Variants in POU2F1 observed in about 807,000 individuals in gnomAD.
The protein encoded by POU2F1 is POU class 2 homeobox 1.
POU2F1 carries 16 observed loss-of-function variants against 84.9 expected under a neutral mutation model. The ratio of observed to expected loss-of-function variants is 0.19; its 90% CI spans 0.13 to 0.29. The LOEUF (loss-of-function observed/expected upper bound fraction) is 0.29. Among genes scored for constraint, POU2F1 ranks in the 10% least tolerant of loss-of-function variants. The probability of loss-of-function intolerance (pLI) is 1.00; values close to 1 mark genes in which losing one functional copy is unlikely to be tolerated. For missense variants in POU2F1, 738 were observed against 942.6 expected, an observed-to-expected ratio of 0.78 and a Z score of 2.84; for synonymous variants, 368 against 368.3, an observed-to-expected ratio of 1.00 and a Z score of 0.01.
chr1:167,356,578 G>A (rs139855778), intron 2 of POU2F1, among the ~76,000 whole-genome samples: 14 of 152,042 alleles, frequency 9.2e-5, no homozygotes, highest in African/African-American at 3.1e-4. Flanking sequence ...AGTCACTGGC[G>A]GCAAATATAT....
chr1:167,413,647 A>G (rs111413123), intron 15 of POU2F1, among the ~76,000 whole-genome samples: 4 of 152,236 alleles, frequency 2.6e-5, no homozygotes, highest in African/African-American at 7.2e-5. Context: ...AGTGTAGAAC[A>G]TATATTCTCT....
chr1:167,400,715 G>C (rs1478170796), intron 12 of POU2F1, among the ~76,000 whole-genome samples: 4 of 152,160 alleles, frequency 2.6e-5, no homozygotes, highest in Non-Finnish European at 1.5e-5. Context: ...ACATTGTCAG[G>C]ATTCAAAAGA....
intron 2 of POU2F1, among the ~76,000 whole-genome samples, chr1:167,344,979 A>T (rs957572469): frequency 6.6e-6 from 1 of 152,132 alleles, no homozygotes. Flanking sequence ...ACGAAACACC[A>T]CATTTTCTCA....
At chr1:167,239,962 T>C (rs1649779269) in intron 1 of POU2F1, among the ~76,000 whole-genome samples, 1 of 151,272 alleles carries the variant, frequency 6.6e-6, no homozygotes, top group South Asian at 2.1e-4. Flanking sequence ...TTTTTTTTCT[T>C]TAAGCTATGA....
intron 2 of POU2F1, among the ~76,000 whole-genome samples, chr1:167,355,422 A>G (rs1162137430): frequency 6.6e-6 from 1 of 152,088 alleles, no homozygotes; most frequent in African/African-American, 2.4e-5. Flanking sequence ...TGCTCTCTAA[A>G]TGTTAATATC....
At chr1:167,346,803 T>C (rs1378036814) in intron 2 of POU2F1, among the ~76,000 whole-genome samples, 1 of 152,206 alleles carries the variant, frequency 6.6e-6, no homozygotes, top group African/African-American at 2.4e-5. Flanking sequence ...CTATAGATAT[T>C]CTGTGTCATG....
chr1:167,232,069 C>T (rs1007554588), intron 1 of POU2F1, among the ~76,000 whole-genome samples: 14 of 152,262 alleles, frequency 9.2e-5, no homozygotes, highest in African/African-American at 2.9e-4. Context: ...CTGTGGAACC[C>T]GAGTATGTGA....
chr1:167,325,913 T>G (rs1409755411), intron 1 of POU2F1, among the ~76,000 whole-genome samples: 1 of 151,708 alleles, frequency 6.6e-6, no homozygotes, highest in African/African-American at 2.4e-5. Context: ...ACTAGTAGTG[T>G]TAACCGTGAA....
intron 2 of POU2F1, among the ~76,000 whole-genome samples, chr1:167,358,122 C>CTTTTTTTTTTT (rs763521021): frequency 1.5e-4 from 15 of 97,188 alleles, no homozygotes; most frequent in African/African-American, 2.6e-4. Context: ...TTTTTCTTTT[C>CTTTTTTTTTTT]TTTTTTTTTT....
Position 167,389,367 on chromosome 1 carries a change from A to G in POU2F1, c.814-221A>G, listed in dbSNP as rs191048434. Reference sequence around the variant, plus strand: ...TTGTGTATTCATTTCATTTTTGTGTATTCATGTTTTTTCTATAGAATTACA... The same window carrying G: ...TTGTGTATTCATTTCATTTTTGTGTGTTCATGTTTTTTCTATAGAATTACA... On this transcript the variant is annotated intron_variant, in intron 8 of 15. Coordinates refer to ENST00000367866, the MANE Select transcript of POU2F1 (RefSeq NM_002697.4). 1.1e-3 allele frequency among the ~76,000 whole-genome samples: 168 copies of G among 152,260 alleles called. 1 individual carries two copies. Among genetic ancestry groups the G allele is most frequent in the African/African-American group, 3.9e-3 (162 of 41,558 alleles).
intron 1 of POU2F1, among the ~76,000 whole-genome samples, chr1:167,256,365 C>CTT (rs35700112): frequency 2.2e-4 from 28 of 126,716 alleles, no homozygotes; most frequent in Admixed American, 3.1e-4. Context: ...TAAATTTCTT[C>CTT]TTTTTTTTTT....
At chr1:167,251,526 TAA>T (rs1267773265) in intron 1 of POU2F1, among the ~76,000 whole-genome samples, 1 of 152,184 alleles carries the variant, frequency 6.6e-6, no homozygotes, top group Non-Finnish European at 1.5e-5. Context: ...GAAATATACT[TAA>T]GTGTTAGTTT....
At chr1:167,269,765 TAGCC>T (rs991935240) in intron 1 of POU2F1, among the ~76,000 whole-genome samples, 3 of 152,066 alleles carry the variant, frequency 2.0e-5, no homozygotes, top group Admixed American at 2.0e-4. Context: ...ATACAAAAAT[TAGCC>T]AGGTGTGGTG....
chr1:167,240,737 G>T (rs1384525758), intron 1 of POU2F1, among the ~76,000 whole-genome samples: 1 of 152,174 alleles, frequency 6.6e-6, no homozygotes, highest in Non-Finnish European at 1.5e-5. Flanking sequence ...ACCTTTTACA[G>T]TTGGTTTGAA....
At chr1:167,282,567 A>G (rs894793753) in intron 1 of POU2F1, among the ~76,000 whole-genome samples, 1 of 152,150 alleles carries the variant, frequency 6.6e-6, no homozygotes, top group South Asian at 2.1e-4. Flanking sequence ...GTCCTTGTCT[A>G]TCTTTCCAGC....
chr1:167,395,108 CCT>C (rs1648710506), intron 9 of POU2F1, among the ~76,000 whole-genome samples: 1 of 152,148 alleles, frequency 6.6e-6, no homozygotes, highest in Non-Finnish European at 1.5e-5. Flanking sequence ...ACTCCGTGAG[CCT>C]CTGTTTCCTG....
At chr1:167,368,884 A>G (rs1271688019) in intron 3 of POU2F1, among the ~76,000 whole-genome samples, 2 of 152,182 alleles carry the variant, frequency 1.3e-5, no homozygotes, top group Admixed American at 1.3e-4. Flanking sequence ...TACAAAATGG[A>G]ACTCATTATC....
At chr1:167,301,054 C>T (rs1654665034) in intron 1 of POU2F1, among the ~76,000 whole-genome samples, 1 of 152,064 alleles carries the variant, frequency 6.6e-6, no homozygotes, top group Non-Finnish European at 1.5e-5. Flanking sequence ...ATAGGTGTGA[C>T]CCACCGTGCC....
At chr1:167,306,057 A>G (rs1394751054) in intron 1 of POU2F1, among the ~76,000 whole-genome samples, 1 of 152,220 alleles carries the variant, frequency 6.6e-6, no homozygotes, top group Non-Finnish European at 1.5e-5. Context: ...TTGAACGGTC[A>G]ACTTGTTAAC....
Sources: allele counts gnomAD v4.1 joint callset (sites outside exome capture counted in the v4.1 genomes callset), GRCh38; gene constraint gnomAD v4.1.1; transcripts MANE v1.5; gene names NCBI Gene and HGNC (gene_info 2026-07-23, HGNC 2026-07-21).